Variants in EDNRA observed in about 807,000 individuals in gnomAD.
The protein encoded by EDNRA is endothelin-1 receptor.
EDNRA carries 11 observed loss-of-function variants against 41.4 expected under a neutral mutation model. The ratio of observed to expected loss-of-function variants is 0.27; its 90% CI spans 0.17 to 0.44. The LOEUF (loss-of-function observed/expected upper bound fraction) is 0.44, where lower values mean the gene tolerates loss of function less well. EDNRA is among the 20% of genes least tolerant of loss of function. The pLI is 1.00. For synonymous variants in EDNRA, 172 were observed against 183.0 expected (o/e 0.94, Z 0.49); for missense variants, 294 against 531.0 (o/e 0.55, Z 4.39).
intron 2 of EDNRA, chr4:147,506,036 G>A (rs1039788736): frequency 4.6e-6 from 2 of 435,448 alleles, no homozygotes; most frequent in Non-Finnish European, 8.9e-6. Flanking sequence ...TGAAAATTTT[G>A]TTCATGCAAA....
chr4:147,497,699 G>A (rs539518599), intron 2 of EDNRA, among the ~76,000 whole-genome samples: 39 of 152,134 alleles, frequency 2.6e-4, no homozygotes, highest in Non-Finnish European at 4.7e-4. Flanking sequence ...AGCCTCCCGA[G>A]TAGCTGGGAC....
intron 4 of EDNRA, among the ~76,000 whole-genome samples, chr4:147,534,512 G>A (rs2126478232): frequency 1.3e-5 from 2 of 152,218 alleles, no homozygotes; most frequent in South Asian, 4.1e-4. Context: ...CTTCTATTAT[G>A]AATGTACCCA....
chr4:147,502,258 G>A, intron 2 of EDNRA, among the ~76,000 whole-genome samples: 1 of 152,138 alleles, frequency 6.6e-6, no homozygotes, highest in East Asian at 1.9e-4. Flanking sequence ...AAGTATCATA[G>A]AAAATTAGAT....
intron 3 of EDNRA, among the ~76,000 whole-genome samples, chr4:147,525,001 T>G (rs779239887): frequency 2.4e-4 from 36 of 152,270 alleles, no homozygotes; most frequent in Non-Finnish European, 4.8e-4. Context: ...TGCTTTCATT[T>G]TATGAGCTGA....
intron 3 of EDNRA, among the ~76,000 whole-genome samples, chr4:147,526,621 C>T (rs1578807293): frequency 6.6e-6 from 1 of 152,122 alleles, no homozygotes; most frequent in East Asian, 1.9e-4. Context: ...AGTGGTAAAG[C>T]ATTTGCAGCT....
intron 2 of EDNRA, among the ~76,000 whole-genome samples, chr4:147,511,544 A>C (rs1052059324): frequency 1.3e-5 from 2 of 152,164 alleles, no homozygotes; most frequent in African/African-American, 4.8e-5. Context: ...TAAAGAACTT[A>C]AGTTTCTTCA....
chr4:147,532,339 A>C (rs987651092), intron 3 of EDNRA, among the ~76,000 whole-genome samples, 167 bp from the exon 4 acceptor site: 5 of 150,778 alleles, frequency 3.3e-5, no homozygotes, highest in Non-Finnish European at 7.4e-5. Context: ...AAAAAAAAAA[A>C]AAAAAAAAAA....
At chr4:147,522,103 A>T (rs1403837900) in intron 3 of EDNRA, among the ~76,000 whole-genome samples, 1 of 152,206 alleles carries the variant, frequency 6.6e-6, no homozygotes, top group African/African-American at 2.4e-5. Context: ...GGGAGGAAAG[A>T]TTTATCAATA....
chr4:147,530,292 G>A (rs1037366934), intron 3 of EDNRA, among the ~76,000 whole-genome samples: 9 of 152,160 alleles, frequency 5.9e-5, no homozygotes, highest in African/African-American at 1.4e-4. Context: ...ATGTAACTCC[G>A]TTGACAGCCT....
At chr4:147,484,914 T>C (rs1222860836) in intron 1 of EDNRA, among the ~76,000 whole-genome samples, 2 of 152,264 alleles carry the variant, frequency 1.3e-5, no homozygotes, top group Non-Finnish European at 2.9e-5. Flanking sequence ...ACCAGAGTTC[T>C]CATTAACATT....
intron 1 of EDNRA, among the ~76,000 whole-genome samples, chr4:147,483,502 G>A (rs1259946234): frequency 6.6e-6 from 1 of 151,994 alleles, no homozygotes; most frequent in African/African-American, 2.4e-5. Context: ...GAGTTCAGGG[G>A]GAAATCTCTG....
rs565472753 is a variant in EDNRA at position 147,543,668 on chromosome 4, A to G, written c.*1050A>G. On this transcript the variant is annotated 3_prime_UTR_variant, in exon 8 of 8. Transcript: ENST00000651419. The stretch of plus-strand genomic sequence containing the variant: ...AATAGTGACATATATATGTATATAC[A>G]TATCACCTCCTATTCTCTTAATTTT... 2.0e-5 allele frequency: 3 copies of G among 152,526 alleles called. No homozygotes were observed. The highest frequency in any genetic ancestry group is 7.2e-5 in the African/African-American group (3 of 41,570). 9.4% of individuals were successfully genotyped at this position (152,526 alleles called of 1,614,324 possible).
intron 3 of EDNRA, among the ~76,000 whole-genome samples, chr4:147,527,308 G>T (rs1307831517): frequency 6.6e-6 from 1 of 152,102 alleles, no homozygotes; most frequent in Non-Finnish European, 1.5e-5. Flanking sequence ...CTTATTCACA[G>T]CTGTGAAACA....
chr4:147,506,130 G>A (rs1729708564), intron 2 of EDNRA: 1 of 527,446 alleles, frequency 1.9e-6, no homozygotes, highest in Non-Finnish European at 3.8e-6. Context: ...TAAAGCCCCT[G>A]GAAGAGGTGA....
chr4:147,481,590 C>G (rs778498367), intron 1 of EDNRA, among the ~76,000 whole-genome samples: 2 of 152,240 alleles, frequency 1.3e-5, no homozygotes, highest in African/African-American at 4.8e-5. Flanking sequence ...GGGTGCGCTG[C>G]GGACACGTGT....
chr4:147,511,288 A>T (rs1568136), intron 2 of EDNRA, among the ~76,000 whole-genome samples: 63,044 of 152,112 alleles, frequency 0.41, 17,824 homozygotes, highest in African/African-American at 0.81. Context: ...TATTTTGCTT[A>T]ATGCCTCAAT....
intron 2 of EDNRA, chr4:147,493,401 T>C (rs1295896509): frequency 2.0e-5 from 3 of 152,118 alleles, no homozygotes; most frequent in African/African-American, 7.2e-5. Flanking sequence ...ATACAAAGTA[T>C]ATACAGTTAG....
chr4:147,496,557 G>A (rs1054618489), intron 2 of EDNRA, among the ~76,000 whole-genome samples: 2 of 152,218 alleles, frequency 1.3e-5, no homozygotes, highest in Non-Finnish European at 2.9e-5. Context: ...AACAAAGAGA[G>A]CATTATCAGC....
chr4:147,488,786 C>T (rs1161760835), intron 2 of EDNRA: 1 of 152,226 alleles, frequency 6.6e-6, no homozygotes, highest in Non-Finnish European at 1.5e-5. Flanking sequence ...CTCAAGAGAT[C>T]CTTCCAAGCA....
Sources: allele counts gnomAD v4.1 joint callset (sites outside exome capture counted in the v4.1 genomes callset), GRCh38; gene constraint gnomAD v4.1.1; transcripts MANE v1.5; gene names NCBI Gene and HGNC (gene_info 2026-07-23, HGNC 2026-07-21).